HIVEP3: variants seen among roughly 807,000 people sequenced by gnomAD.
HIVEP3 encodes transcription factor HIVEP3.
HIVEP3 carries 49 observed loss-of-function variants against 152.8 expected under a neutral mutation model. That is an observed-to-expected ratio of 0.32 (90% CI 0.26 to 0.41). HIVEP3 has a LOEUF of 0.41. Ranked by LOEUF, HIVEP3 falls within the 10% of genes least tolerant of loss-of-function variation. The pLI, the probability that HIVEP3 is intolerant of heterozygous loss-of-function variation, is 1.00. For missense variants in HIVEP3, 2,790 were observed against 3,103.3 expected (o/e 0.90, Z 2.40); for synonymous variants, 1,269 against 1,289.0 (o/e 0.98, Z 0.33).
intron 1 of HIVEP3, among the ~76,000 whole-genome samples, chr1:41,723,146 C>T (rs112734147): frequency 7.7e-6 from 1 of 129,798 alleles, no homozygotes; most frequent in Non-Finnish European, 1.5e-5. Flanking sequence ...TTAGAGGGGG[C>T]ATGGTGGTGG....
intron 2 of HIVEP3, among the ~76,000 whole-genome samples, chr1:41,684,893 C>G (rs1385588169): frequency 6.6e-6 from 1 of 152,222 alleles, no homozygotes; most frequent in Admixed American, 6.5e-5. Flanking sequence ...CATGGCCAGA[C>G]GTGAACCTGG....
intron 1 of HIVEP3, among the ~76,000 whole-genome samples, chr1:41,971,471 C>T (rs970473970): frequency 6.6e-6 from 1 of 152,116 alleles, no homozygotes; most frequent in African/African-American, 2.4e-5. Context: ...TGGTGCCCCC[C>T]ACCCAAGTGT....
chr1:41,658,891 CA>C (rs1352013919), intron 2 of HIVEP3, among the ~76,000 whole-genome samples: 2 of 152,234 alleles, frequency 1.3e-5, no homozygotes, highest in Non-Finnish European at 2.9e-5. Flanking sequence ...CTCCTGCAAA[CA>C]GAGCATCGAA....
chr1:41,625,726 C>T (rs944399389), intron 3 of HIVEP3, among the ~76,000 whole-genome samples: 5 of 151,882 alleles, frequency 3.3e-5, no homozygotes, highest in African/African-American at 1.2e-4. Flanking sequence ...CAGAGCAAGA[C>T]AGTATATATC....
At chr1:41,514,314 T>C (rs1368404004) in intron 7 of HIVEP3, among the ~76,000 whole-genome samples, 1 of 152,214 alleles carries the variant, frequency 6.6e-6, no homozygotes, top group East Asian at 1.9e-4. Context: ...GCCTGGCACA[T>C]ATTGAGGGCT....
intron 2 of HIVEP3, among the ~76,000 whole-genome samples, chr1:41,692,124 G>A (rs1439293432): frequency 2.0e-5 from 3 of 152,180 alleles, no homozygotes; most frequent in African/African-American, 7.2e-5. Flanking sequence ...GATTACAGGC[G>A]CGAGCCACTG....
chr1:41,900,619 C>T (rs1368402011), intron 1 of HIVEP3, among the ~76,000 whole-genome samples: 1 of 152,078 alleles, frequency 6.6e-6, no homozygotes, highest in Non-Finnish European at 1.5e-5. Flanking sequence ...TCCAAATTTC[C>T]CAGTAGAGAG....
chr1:41,871,419 AAC>A (rs923357451), intron 1 of HIVEP3, among the ~76,000 whole-genome samples: 16 of 152,008 alleles, frequency 1.1e-4, no homozygotes, highest in Non-Finnish European at 1.2e-4. Flanking sequence ...AAAAAAAAAA[AAC>A]CCCTGCATAT....
chr1:41,614,938 C>T (rs1570110398), intron 3 of HIVEP3, among the ~76,000 whole-genome samples: 1 of 152,208 alleles, frequency 6.6e-6, no homozygotes, highest in East Asian at 1.9e-4. Flanking sequence ...AAGTCATCCT[C>T]CCAATACTTC....
At chr1:41,565,297 A>C (rs1024302353) in intron 5 of HIVEP3, among the ~76,000 whole-genome samples, 2 of 151,724 alleles carry the variant, frequency 1.3e-5, no homozygotes, top group Non-Finnish European at 2.9e-5. Flanking sequence ...TGAGAAGCCA[A>C]GTCATGGGCA....
intron 2 of HIVEP3, among the ~76,000 whole-genome samples, chr1:41,647,157 C>A (rs1158440905): frequency 2.0e-5 from 3 of 152,248 alleles, no homozygotes; most frequent in African/African-American, 7.2e-5. Context: ...ATTCCATCTG[C>A]TACCTTCCCT....
chr1:41,582,137 G>T lies in HIVEP3; in HGVS notation c.2661C>A (p.Pro887=). ...GCTGGGCAAGTGTCTGGCTGCGCTG[G>T]GGCCATTGGAACTCCTCAGTCTTCT... ...EPEKTEEFQW[P]QRSQTLAQLP... is the part of the protein sequence containing the mutation. The change falls in exon 4 of 9, where the codon CCC becomes CCA. Residue 887 remains proline (P), a synonymous_variant. Transcript: ENST00000372583. The surrounding 1 kb of genome is among the most constrained non-coding windows in gnomAD (Gnocchi z 4.7). 6.2e-7 allele frequency: 1 copy of T among 1,614,052 alleles called. No individual in the cohort carries two copies. The highest frequency in any genetic ancestry group is 8.5e-7 in the Non-Finnish European group (1 of 1,179,974).
At chr1:41,711,820 A>C (rs945224885) in intron 1 of HIVEP3, among the ~76,000 whole-genome samples, 1 of 152,118 alleles carries the variant, frequency 6.6e-6, no homozygotes, top group African/African-American at 2.4e-5. Context: ...ACTGGAGATA[A>C]ATACAGGGTC....
intron 2 of HIVEP3, among the ~76,000 whole-genome samples, chr1:41,657,234 C>T (rs1010354160): frequency 2.0e-5 from 3 of 152,216 alleles, no homozygotes; most frequent in Non-Finnish European, 4.4e-5. Flanking sequence ...ACACGGTGGC[C>T]TCAGGAGCAA....
At position 41,595,908 on chromosome 1, in the gene HIVEP3, C is replaced by T. The variant is rs1309700503; in HGVS notation, c.-521-10590G>A. On this transcript the variant is annotated intron_variant, in intron 3 of 8. Coordinates refer to ENST00000372583, the MANE Select transcript of HIVEP3 (RefSeq NM_024503.5). ...TTGCAGACGGCCTATTGTGGGACCTCACCTTGTGATTGTGTGAGTCAATAC... is the reference window on the plus strand; with the variant it reads ...TTGCAGACGGCCTATTGTGGGACCTTACCTTGTGATTGTGTGAGTCAATAC... Among the ~76,000 whole-genome samples the T allele has an allele frequency of 6.6e-5, 10 of 152,288 alleles. No homozygotes were observed. In the East Asian group the frequency reaches 1.5e-3, roughly 24 times the overall value.
intron 1 of HIVEP3, among the ~76,000 whole-genome samples, chr1:42,023,408 AT>A (rs969424787): frequency 2.6e-5 from 4 of 152,040 alleles, no homozygotes; most frequent in Non-Finnish European, 4.4e-5. Flanking sequence ...AAAATCTTCC[AT>A]TTTTTTGCTT....
chr1:41,820,672 T>C (rs1443567770), intron 1 of HIVEP3, among the ~76,000 whole-genome samples: 1 of 152,260 alleles, frequency 6.6e-6, no homozygotes, highest in African/African-American at 2.4e-5. Context: ...AATTTTCTAC[T>C]GTCTTTTAGG....
At chr1:41,854,533 T>G (rs959989641) in intron 1 of HIVEP3, among the ~76,000 whole-genome samples, 4 of 149,234 alleles carry the variant, frequency 2.7e-5, no homozygotes, top group African/African-American at 9.9e-5. Context: ...TTTTTTTTTT[T>G]TTTTTTATAC....
chr1:41,515,762 T>C (rs1462184052), intron 7 of HIVEP3, among the ~76,000 whole-genome samples: 1 of 152,204 alleles, frequency 6.6e-6, no homozygotes, highest in African/African-American at 2.4e-5. Flanking sequence ...TCTGGTTTCC[T>C]CATCTGTAAA....
Sources: allele counts gnomAD v4.1 joint callset (sites outside exome capture counted in the v4.1 genomes callset), GRCh38; gene constraint gnomAD v4.1.1; non-coding constraint Gnocchi (gnomAD v3.1); transcripts MANE v1.5; gene names NCBI Gene and HGNC (gene_info 2026-07-23, HGNC 2026-07-21).